The following RGS7 variants were observed in gnomAD, a reference collection of about 807,000 sequenced individuals.
The protein encoded by RGS7 is regulator of G-protein signaling 7.
Under a neutral mutation model 81.1 loss-of-function variants are expected in RGS7, and 27 were observed. That is an observed-to-expected ratio of 0.33 (90% CI 0.25 to 0.46). The LOEUF is 0.46. Ranked by LOEUF, RGS7 falls within the 20% of genes least tolerant of loss-of-function variation. RGS7 has a pLI of 1.00. For synonymous variants in RGS7, 208 were observed against 207.7 expected, an observed-to-expected ratio of 1.00 and a Z score of -0.01; for missense variants, 396 against 607.4, an observed-to-expected ratio of 0.65 and a Z score of 3.66.
chr1:241,094,781 T>G (rs1484363942), intron 3 of RGS7, among the ~76,000 whole-genome samples: 1 of 152,210 alleles, frequency 6.6e-6, no homozygotes. Context: ...GCAGGGGGAA[T>G]TGGATTATAG....
intron 6 of RGS7, among the ~76,000 whole-genome samples, chr1:240,908,422 CAAAT>C (rs1472811317): frequency 2.0e-5 from 3 of 152,050 alleles, no homozygotes; most frequent in African/African-American, 7.2e-5. Flanking sequence ...TAAGCCTACA[CAAAT>C]GAATGAATGA....
intron 6 of RGS7, among the ~76,000 whole-genome samples, chr1:240,916,109 CA>C (rs60839025): frequency 0.033 from 2,354 of 70,946 alleles, 40 homozygotes; most frequent in African/African-American, 0.086. Flanking sequence ...CTAAAAATAC[CA>C]AAAAAAAAAA....
intron 6 of RGS7, among the ~76,000 whole-genome samples, chr1:240,889,121 T>G (rs1040215918): frequency 1.3e-5 from 2 of 151,908 alleles, no homozygotes; most frequent in Non-Finnish European, 2.9e-5. Context: ...CACGCCCGGG[T>G]AATTTTTGTA....
At chr1:241,020,982 A>C (rs190510464) in intron 3 of RGS7, among the ~76,000 whole-genome samples, 84 of 152,340 alleles carry the variant, frequency 5.5e-4, no homozygotes, top group Non-Finnish European at 9.6e-4. Context: ...TTAAGACAGA[A>C]GGGTAATCCA....
At chr1:240,818,901 T>C (rs1326169677) in intron 10 of RGS7, among the ~76,000 whole-genome samples, 2 of 151,778 alleles carry the variant, frequency 1.3e-5, no homozygotes, top group Admixed American at 6.6e-5. Flanking sequence ...ATGTATTCCA[T>C]ATTTCAAAGT....
intron 2 of RGS7, among the ~76,000 whole-genome samples, chr1:241,118,166 T>A (rs1317241669): frequency 1.3e-5 from 2 of 152,178 alleles, no homozygotes; most frequent in Non-Finnish European, 2.9e-5. Flanking sequence ...AACCCACAAC[T>A]GGAACATGAT....
chr1:240,969,140 T>A (rs942991628), intron 4 of RGS7, among the ~76,000 whole-genome samples: 1 of 152,226 alleles, frequency 6.6e-6, no homozygotes, highest in African/African-American at 2.4e-5. Context: ...CTTATTAGCT[T>A]TATCCAGTGC....
chr1:240,991,230 T>A (rs1185502976), intron 3 of RGS7, among the ~76,000 whole-genome samples: 2 of 152,206 alleles, frequency 1.3e-5, no homozygotes, highest in Non-Finnish European at 2.9e-5. Flanking sequence ...ATCTTTGTTG[T>A]GTAAGTTCCA....
intron 3 of RGS7, among the ~76,000 whole-genome samples, chr1:241,052,755 C>T (rs887257258): frequency 2.0e-5 from 3 of 151,250 alleles, no homozygotes; most frequent in Non-Finnish European, 4.4e-5. Context: ...GCAATTTTCT[C>T]GGAGGAAATG....
At chr1:241,183,176 C>T (rs1262591803) in intron 2 of RGS7, among the ~76,000 whole-genome samples, 2 of 152,126 alleles carry the variant, frequency 1.3e-5, no homozygotes, top group African/African-American at 4.8e-5. Context: ...TAGACCATGT[C>T]CCACCTCTCA....
intron 2 of RGS7, among the ~76,000 whole-genome samples, chr1:241,306,425 A>G (rs10926458): frequency 0.18 from 26,627 of 149,206 alleles, 2,713 homozygotes; most frequent in East Asian, 0.49. Context: ...ACACGTCCAT[A>G]CACCCTTTAC....
chr1:241,355,736 A>G lies in RGS7; in HGVS notation c.41T>C (p.Val14Ala), dbSNP rs760771554. 3 of 1,614,094 alleles carry G rather than the reference A, an allele frequency of 1.9e-6. No individual in the cohort carries two copies. In the Admixed American group the frequency reaches 5.0e-5, roughly 27 times the overall value. Residue 14 changes from valine (V) to alanine (A), a missense_variant, in exon 2 of 19, where the codon GTG becomes GCG. Coordinates refer to ENST00000440928, the MANE Select transcript of RGS7 (RefSeq NM_001364886.1). ...CAGCATGTTGGGTGATTCATCGGCC[A>G]CCCCGTTGCTGGTCTGCCCATAATT... The part of the protein sequence containing the change: ...GNNYGQTSNG[V>A]ADESPNMLVY...
chr1:240,904,063 C>T (rs2995460), intron 6 of RGS7, among the ~76,000 whole-genome samples: 85,713 of 152,024 alleles, frequency 0.56, 25,039 homozygotes, highest in Middle Eastern at 0.69. Flanking sequence ...TTAATTACAA[C>T]GGTGGCATCT....
Position 240,801,400 on chromosome 1 carries a change from T to G in RGS7, c.1413+55A>C, listed in dbSNP as rs541460581. The G allele has an allele frequency of 1.1e-5, 13 of 1,218,010 alleles. 1 individual carries two copies. In the Admixed American group the frequency reaches 1.5e-4, roughly 14 times the overall value. The allele number at this position is 1,218,010 out of a possible 1,614,324, so 75.5% of individuals were successfully genotyped here. A position where few individuals can be genotyped will look rare whatever the true frequency, so the allele number is the denominator to read the frequency against. ...GTAACAGGGCTAGAAATAGGGAAATTGGAAAAATTTCATTGGACTTAATGA... is the reference window on the plus strand; with the variant it reads ...GTAACAGGGCTAGAAATAGGGAAATGGGAAAAATTTCATTGGACTTAATGA... On this transcript the variant is annotated intron_variant, in intron 17 of 18. Coordinates refer to ENST00000440928, the MANE Select transcript of RGS7 (RefSeq NM_001364886.1).
intron 2 of RGS7, among the ~76,000 whole-genome samples, chr1:241,181,071 G>A (rs988337099): frequency 1.3e-5 from 2 of 152,176 alleles, no homozygotes; most frequent in African/African-American, 2.4e-5. Context: ...TGGATGAATC[G>A]GCAGAGCACA....
Position 240,986,854 on chromosome 1 carries a change from T to TTC in RGS7, c.176-3726_176-3725insGA. ...GCCTCGGCCTCCCAAAGTGCTGGGA[T>TTC]TACAGGCGTGAGCCACCGCGCCCGG... On this transcript the variant is annotated intron_variant, in intron 3 of 18. Transcript: ENST00000440928. 3.6e-3 allele frequency among the ~76,000 whole-genome samples: 5 copies of TTC among 1,396 alleles called. 1 individual carries two copies. Among genetic ancestry groups the TTC allele is most frequent in the African/African-American group, 3.4e-3 (1 of 298 alleles). The allele number at this position is 1,396 out of a possible 152,430, so 0.9% of individuals were successfully genotyped here. A position where few individuals can be genotyped will look rare whatever the true frequency, so the allele number is the denominator to read the frequency against.
At chr1:241,231,256 T>G (rs2075646352) in intron 2 of RGS7, among the ~76,000 whole-genome samples, 1 of 152,228 alleles carries the variant, frequency 6.6e-6, no homozygotes, top group Non-Finnish European at 1.5e-5. Context: ...TGAAAGAGCC[T>G]CTATTTATGG....
chr1:241,275,815 G>A lies in RGS7; in HGVS notation c.78+79884C>T, dbSNP rs371833517. Among the ~76,000 whole-genome samples the A allele has an allele frequency of 6.2e-4, 94 of 152,256 alleles. 1 individual carries two copies. The Middle Eastern group carries it at 0.02, about 33-fold the overall frequency. Reference sequence around the variant, plus strand: ...TCACTCATCTCTAACCATCACTTGCGTGAACATTACTCAAAGAGATACAGC... The same window carrying A: ...TCACTCATCTCTAACCATCACTTGCATGAACATTACTCAAAGAGATACAGC... On this transcript the variant is annotated intron_variant, in intron 2 of 18. Transcript: ENST00000440928.
intron 9 of RGS7, among the ~76,000 whole-genome samples, chr1:240,855,329 G>GA (rs140107478): frequency 0.89 from 102,322 of 114,852 alleles, 48,417 homozygotes; most frequent in East Asian, 0.99. Flanking sequence ...AAAAAAAAAG[G>GA]AGAAACAAAG....
Sources: gnomAD v4.1 joint callset for allele counts (sites outside exome capture counted in the v4.1 genomes callset) on GRCh38, gnomAD v4.1.1 for gene constraint, MANE v1.5 for transcripts, NCBI Gene and HGNC (gene_info 2026-07-23, HGNC 2026-07-21) for gene names.